The following RBM6 variants were observed in gnomAD, a reference collection of about 807,000 sequenced individuals.
RBM6 encodes the protein RNA-binding protein 6.
In RBM6, 23 loss-of-function variants were observed where a neutral mutation model predicts 140.4. That is an observed-to-expected ratio of 0.16 (90% CI 0.12 to 0.23). The LOEUF is 0.23. RBM6 is among the 10% of genes least tolerant of loss of function. RBM6 has a pLI of 1.00. For missense variants in RBM6, 1,139 were observed against 1,386.7 expected (o/e 0.82, Z 2.84); for synonymous variants, 439 against 475.6 (o/e 0.92, Z 1.00).
intron 6 of RBM6, among the ~76,000 whole-genome samples, chr3:50,001,348 G>A (rs1444266098): frequency 1.3e-5 from 2 of 151,986 alleles, no homozygotes. Flanking sequence ...CTATCAACTT[G>A]GGAGGCTAAG....
chr3:50,061,635 G>T, intron 14 of RBM6, 88 bp downstream of exon 14: 1 of 1,511,226 alleles, frequency 6.6e-7, no homozygotes. Context: ...TGCTACTTGA[G>T]GATTTTATTC....
At chr3:49,968,769 G>GC (rs1553640497) in intron 3 of RBM6, 21 bp downstream of exon 3, 27 of 537,150 alleles carry the variant, frequency 5.0e-5, no homozygotes, top group Non-Finnish European at 6.3e-5. Context: ...GGGGTGGATT[G>GC]CTTTTTTTTT....
Position 49,968,770 on chromosome 3 carries a change from CTTTTTTT to C in RBM6, c.1323+44_1323+50del, listed in dbSNP as rs569224640. 1.8e-4 allele frequency: 127 copies of C among 699,936 alleles called. 1 individual carries two copies. The highest frequency in any genetic ancestry group is 6.1e-4 in the African/African-American group (21 of 34,598). 43.4% of individuals were successfully genotyped at this position (699,936 alleles called of 1,614,324 possible). ...TCAGGTATGTTGATGGGGTGGATTG[CTTTTTTT>C]TTTTTTTTTTTTTTTTTTTTTGAGA... On this transcript the variant is annotated intron_variant, in intron 3 of 20. Transcript: ENST00000266022.
At chr3:49,966,491 G>A (rs2108629147) in intron 2 of RBM6, among the ~76,000 whole-genome samples, 1 of 152,292 alleles carries the variant, frequency 6.6e-6, no homozygotes, top group South Asian at 2.1e-4. Flanking sequence ...AAGTTGGGTA[G>A]TATGAAAGAT....
At chr3:50,044,904 AT>A (rs1282681558) in intron 6 of RBM6, among the ~76,000 whole-genome samples, 2 of 152,118 alleles carry the variant, frequency 1.3e-5, no homozygotes, top group African/African-American at 2.4e-5. Flanking sequence ...AATAATAATA[AT>A]TTTTTTAAGA....
intron 5 of RBM6, chr3:49,981,763 G>A (rs2108674393): frequency 6.6e-6 from 1 of 152,268 alleles, no homozygotes; most frequent in East Asian, 1.9e-4. Context: ...AGAGATCTTG[G>A]AATGGTTGTA....
chr3:49,941,694 A>C, intron 1 of RBM6, among the ~76,000 whole-genome samples: 1 of 150,844 alleles, frequency 6.6e-6, no homozygotes. Context: ...ACAAAAACCA[A>C]CATAGTAGAG....
chr3:49,967,402 A>C lies in RBM6; in HGVS notation c.45-68A>C. On this transcript the variant is annotated intron_variant, in intron 2 of 20. Coordinates refer to ENST00000266022, the MANE Select transcript of RBM6 (RefSeq NM_005777.3). This position sits in a 1 kb window ranked among gnomAD's most constrained non-coding sequence, Gnocchi z 4.0. ...CAGAAGAATGTGCTGTGATTAGAGA[A>C]GAATATGCTGGTGTGTAGATTTCAA... 5.2e-6 allele frequency: 8 copies of C among 1,537,794 alleles called. No homozygotes were observed. The highest frequency in any genetic ancestry group is 7.0e-6 in the Non-Finnish European group (8 of 1,144,548).
chr3:50,026,093 T>C (rs2087799806), intron 6 of RBM6, among the ~76,000 whole-genome samples: 1 of 152,100 alleles, frequency 6.6e-6, no homozygotes, highest in Non-Finnish European at 1.5e-5. Context: ...CTTTTTTTTT[T>C]TCTTTTTTTT....
chr3:49,988,412 G>A (rs1045126716), intron 5 of RBM6, among the ~76,000 whole-genome samples: 9 of 151,340 alleles, frequency 5.9e-5, no homozygotes, highest in Admixed American at 2.0e-4. Context: ...CCAAATTGCT[G>A]GAATTACAGG....
At chr3:49,960,944 C>G (rs1385654266) in intron 1 of RBM6, among the ~76,000 whole-genome samples, 1 of 145,320 alleles carries the variant, frequency 6.9e-6, no homozygotes, top group East Asian at 2.1e-4. Context: ...CAGCCTCACT[C>G]TGTTTCCTGA....
intron 1 of RBM6, among the ~76,000 whole-genome samples, chr3:49,962,150 TAAAA>T (rs66697775): frequency 8.0e-5 from 9 of 112,452 alleles, no homozygotes; most frequent in East Asian, 3.3e-4. Context: ...CTCCATCTCT[TAAAA>T]AAAAAAAAAA....
chr3:50,066,059 A>G (rs1314125791), intron 16 of RBM6, among the ~76,000 whole-genome samples, 183 bp from the exon 17 acceptor site: 4 of 152,150 alleles, frequency 2.6e-5, no homozygotes, highest in Non-Finnish European at 5.9e-5. Context: ...TTTATTCTTA[A>G]TGAACAAGGA....
chr3:50,055,820 G>T, intron 8 of RBM6, among the ~76,000 whole-genome samples: 1 of 152,106 alleles, frequency 6.6e-6, no homozygotes, highest in Non-Finnish European at 1.5e-5. Context: ...TATTTTAGAG[G>T]AATAAAACTA....
At chr3:50,040,390 G>A (rs2088813855) in intron 6 of RBM6, among the ~76,000 whole-genome samples, 1 of 142,560 alleles carries the variant, frequency 7.0e-6, no homozygotes, top group Non-Finnish European at 1.5e-5. Context: ...AGCTTGCAGT[G>A]AGCTGAGATC....
At chr3:49,973,675 G>A (rs1255329375) in intron 4 of RBM6, among the ~76,000 whole-genome samples, 14 of 132,888 alleles carry the variant, frequency 1.1e-4, no homozygotes, top group African/African-American at 3.8e-4. Context: ...AACCTCTGCC[G>A]CCAGGGTTCA....
chr3:49,984,833 G>C (rs564024761), intron 5 of RBM6, among the ~76,000 whole-genome samples: 40 of 152,296 alleles, frequency 2.6e-4, no homozygotes, highest in African/African-American at 8.9e-4. Context: ...GCATCTTCTG[G>C]CATCTCAGCT....
intron 6 of RBM6, among the ~76,000 whole-genome samples, chr3:50,000,125 G>A (rs566167069): frequency 7.2e-5 from 11 of 152,208 alleles, no homozygotes; most frequent in African/African-American, 2.4e-4. Context: ...CTCACCTTAC[G>A]TTTGAACTAT....
chr3:49,983,073 A>G (rs575438118), intron 5 of RBM6, among the ~76,000 whole-genome samples: 7 of 152,256 alleles, frequency 4.6e-5, no homozygotes, highest in African/African-American at 1.4e-4. Context: ...TTACACTCCA[A>G]GGCTCAAGCA....
Sources: gnomAD v4.1 joint callset for allele counts (sites outside exome capture counted in the v4.1 genomes callset) on GRCh38, gnomAD v4.1.1 for gene constraint, Gnocchi (gnomAD v3.1) non-coding constraint, MANE v1.5 for transcripts, NCBI Gene and HGNC (gene_info 2026-07-23, HGNC 2026-07-21) for gene names.